LARS2: variants seen among roughly 807,000 people sequenced by gnomAD.
LARS2 encodes the protein leucyl-tRNA synthetase 2, mitochondrial.
Under a neutral mutation model 116.6 loss-of-function variants are expected in LARS2, and 81 were observed. That is an observed-to-expected ratio of 0.69 (90% confidence interval 0.58 to 0.84). The LOEUF is 0.84. LARS2 is among the 40% of genes least tolerant of loss of function. The probability of loss-of-function intolerance (pLI) is 0.00; values close to 1 mark genes in which losing one functional copy is unlikely to be tolerated. For synonymous variants in LARS2, 396 were observed against 407.2 expected (o/e 0.97, Z 0.33); for missense variants, 968 against 1,114.5 (o/e 0.87, Z 1.87).
chr3:45,469,321 G>T (rs1279943362), intron 8 of LARS2, among the ~76,000 whole-genome samples: 7 of 152,060 alleles, frequency 4.6e-5, no homozygotes, highest in Non-Finnish European at 1.0e-4. Flanking sequence ...GTCAAACAAG[G>T]TAAACATCAT....
intron 19 of LARS2, 107 bp downstream of exon 19, chr3:45,520,403 C>T (rs773482317): frequency 2.3e-5 from 17 of 733,512 alleles, no homozygotes; most frequent in East Asian, 5.1e-5. Flanking sequence ...ACTGTGTCAC[C>T]GCCTCAGTGT....
At chr3:45,398,434 C>T (rs186157700) in intron 3 of LARS2, among the ~76,000 whole-genome samples, 62 of 152,286 alleles carry the variant, frequency 4.1e-4, no homozygotes, top group African/African-American at 1.4e-3. Context: ...TATTCTGTTT[C>T]GTGTTTGTTT....
chr3:45,538,797 A>G (rs1423865548), intron 20 of LARS2, among the ~76,000 whole-genome samples: 4 of 152,250 alleles, frequency 2.6e-5, no homozygotes, highest in African/African-American at 9.6e-5. Context: ...GAATGGACTG[A>G]TGGACAGTGC....
chr3:45,514,867 A>G (rs1187124771), intron 16 of LARS2, among the ~76,000 whole-genome samples: 1 of 152,250 alleles, frequency 6.6e-6, no homozygotes, highest in Non-Finnish European at 1.5e-5. Flanking sequence ...ATAAACATCT[A>G]GGACTTCAGT....
At chr3:45,411,224 T>C (rs1698324955) in intron 4 of LARS2, among the ~76,000 whole-genome samples, 1 of 152,194 alleles carries the variant, frequency 6.6e-6, no homozygotes, top group African/African-American at 2.4e-5. Flanking sequence ...GCCGAGGCCC[T>C]GACTCACTGG....
chr3:45,516,039 A>G lies in LARS2; in HGVS notation c.1862-55A>G. 4 of 1,423,708 alleles carry G rather than the reference A, an allele frequency of 2.8e-6. No homozygotes were observed. In the South Asian group the frequency reaches 3.8e-5, roughly 14 times the overall value. The allele number at this position is 1,423,708 out of a possible 1,614,324, so 88.2% of individuals were successfully genotyped here. On this transcript the variant is annotated intron_variant, in intron 16 of 21. Coordinates refer to ENST00000645846, the MANE Select transcript of LARS2 (RefSeq NM_015340.4). ...GTTTTTACTTATTGATGCTATTTCTATAGAAGCAATTCACAATGACACATA... is the reference window on the plus strand; with the variant it reads ...GTTTTTACTTATTGATGCTATTTCTGTAGAAGCAATTCACAATGACACATA...
chr3:45,422,291 C>A (rs55678543), intron 6 of LARS2: 1 of 151,558 alleles, frequency 6.6e-6, no homozygotes, highest in Non-Finnish European at 1.5e-5. Flanking sequence ...ATGTGTTTTC[C>A]CATATAGATA....
At chr3:45,525,992 G>A (rs1455750063) in intron 20 of LARS2, among the ~76,000 whole-genome samples, 2 of 152,154 alleles carry the variant, frequency 1.3e-5, no homozygotes, top group Non-Finnish European at 1.5e-5. Flanking sequence ...AAAGTAGGAG[G>A]GGAAAGAGAG....
intron 20 of LARS2, 97 bp downstream of exon 20, chr3:45,524,205 T>C (rs1055822575): frequency 3.8e-6 from 3 of 780,330 alleles, no homozygotes; most frequent in Non-Finnish European, 6.6e-6. Flanking sequence ...TCCTCAGATA[T>C]AGGGTCCAAC....
At chr3:45,431,952 T>C (rs1698723426) in intron 6 of LARS2, among the ~76,000 whole-genome samples, 1 of 151,792 alleles carries the variant, frequency 6.6e-6, no homozygotes, top group South Asian at 2.1e-4. Flanking sequence ...ACAAATAAGC[T>C]GAAAGTGAAA....
intron 10 of LARS2, chr3:45,483,997 G>C (rs1274547936): frequency 1.3e-5 from 2 of 150,726 alleles, no homozygotes; most frequent in African/African-American, 2.4e-5. Context: ...CCAGTAGTTC[G>C]AGACCAGCCT....
At chr3:45,532,529 G>T (rs930978514) in intron 20 of LARS2, among the ~76,000 whole-genome samples, 1 of 152,094 alleles carries the variant, frequency 6.6e-6, no homozygotes, top group Non-Finnish European at 1.5e-5. Context: ...TATTTGCTGG[G>T]GTTATATAGA....
intron 10 of LARS2, among the ~76,000 whole-genome samples, chr3:45,484,405 A>G (rs1273311226): frequency 6.7e-6 from 1 of 150,056 alleles, no homozygotes; most frequent in Non-Finnish European, 1.5e-5. Flanking sequence ...AGCTCTCCAT[A>G]TAGTCACATA....
At chr3:45,491,443 GGACTGGTGGCAGCATCAGGGTGGT>G (rs1699912328) in intron 12 of LARS2, 50 bp from the exon 13 acceptor site, 1 of 1,500,544 alleles carries the variant, frequency 6.7e-7, no homozygotes, top group Non-Finnish European at 9.2e-7. Context: ...AAACATGGCA[GGACTGGTGGCAGCATCAGGGTGGT>G]GACTGGTGCT....
chr3:45,519,340 A>G (rs1472820531), intron 18 of LARS2, among the ~76,000 whole-genome samples: 1 of 151,260 alleles, frequency 6.6e-6, no homozygotes, highest in Non-Finnish European at 1.5e-5. Context: ...AAACACAAAA[A>G]ATTAGCCTGG....
chr3:45,498,189 G>A lies in LARS2; in HGVS notation c.1622+1816G>A, dbSNP rs149342675. 1.3e-3 allele frequency among the ~76,000 whole-genome samples: 197 copies of A among 152,322 alleles called. 1 individual carries two copies. The highest frequency in any genetic ancestry group is 4.5e-3 in the African/African-American group (187 of 41,574). ...CAGATGAGAGAGACCTCAAGTTACC[G>A]TGGCGGGAGAGACATCCTGAGACCG... is the stretch of plus-strand genomic sequence containing the variant. On this transcript the variant is annotated intron_variant, in intron 14 of 21. Transcript: ENST00000645846.
rs757290932 is a variant in LARS2, at chr3:45,417,553, T to A, written c.435T>A (p.His145Gln). 1.9e-6 allele frequency: 3 copies of A among 1,613,636 alleles called. No homozygotes were observed. Among genetic ancestry groups the A allele is most frequent in the Non-Finnish European group, 2.5e-6 (3 of 1,179,696 alleles). ...AENAAVERNL[H>Q]PQSWTQSNIK... is the part of the protein sequence containing the mutation. ...ATGCCGCAGTCGAGAGGAATCTACA[T>A]CCACAAAGTTGGACACAAAGGTAAG... Residue 145 changes from histidine (H) to glutamine (Q), a missense_variant, in exon 5 of 22, where the codon CAT (histidine) becomes CAA (glutamine). Physicochemically the swap from His to Gln is conservative, Grantham distance 24. Transcript: ENST00000645846.
intron 9 of LARS2, among the ~76,000 whole-genome samples, chr3:45,475,348 A>G (rs1167816912): frequency 6.6e-6 from 1 of 152,216 alleles, no homozygotes; most frequent in Non-Finnish European, 1.5e-5. Context: ...AAAGCCTCCC[A>G]TAAGGGAGTG....
rs1699614127 is a variant in LARS2, at chr3:45,476,557, C to T, written c.948C>T (p.Pro316=). 1 of 1,614,224 alleles carries T rather than the reference C, an allele frequency of 6.2e-7. No individual in the cohort carries two copies. The highest frequency in any genetic ancestry group is 2.2e-5 in the East Asian group (1 of 44,878). The change falls in exon 10 of 22, where the codon CCC becomes CCT. Residue 316 remains proline, a synonymous_variant. Coordinates refer to ENST00000645846, the MANE Select transcript of LARS2 (RefSeq NM_015340.4). ...IYGTSHVAIS[P]SHRLLHGHSS... ...GCACCTCCCACGTGGCCATCTCGCC[C>T]AGCCACAGACTCCTACATGGGCACA...
Sources: gnomAD v4.1 joint callset for allele counts (sites outside exome capture counted in the v4.1 genomes callset) on GRCh38, gnomAD v4.1.1 for gene constraint, MANE v1.5 for transcripts, NCBI Gene and HGNC (gene_info 2026-07-23, HGNC 2026-07-21) for gene names.